Variants in POU6F2 observed in about 807,000 individuals in gnomAD.
POU6F2 encodes the protein POU domain, class 6, transcription factor 2.
In POU6F2, 31 loss-of-function variants were observed where a neutral mutation model predicts 71.3. The observed-to-expected ratio is 0.43, with a 90% confidence interval of 0.33 to 0.59. POU6F2 has a LOEUF of 0.59. POU6F2 is among the 20% of genes least tolerant of loss of function. POU6F2 has a pLI of 0.04. For missense variants in POU6F2, 783 were observed against 856.8 expected, an observed-to-expected ratio of 0.91 and a Z score of 1.07; for synonymous variants, 347 against 355.7, an observed-to-expected ratio of 0.98 and a Z score of 0.27.
At chr7:39,360,230 C>A (rs1370102510) in intron 5 of POU6F2, among the ~76,000 whole-genome samples, 1 of 152,096 alleles carries the variant, frequency 6.6e-6, no homozygotes, top group Non-Finnish European at 1.5e-5. Context: ...GGAAAGTGCT[C>A]CTTTTGAGAT....
intron 2 of POU6F2, among the ~76,000 whole-genome samples, chr7:39,095,644 T>C (rs1266614276): frequency 1.3e-5 from 2 of 152,200 alleles, no homozygotes; most frequent in African/African-American, 4.8e-5. Flanking sequence ...AGAAAAGATC[T>C]TGAAAGCTTT....
At chr7:39,271,403 G>T (rs1784335877) in intron 4 of POU6F2, among the ~76,000 whole-genome samples, 1 of 151,416 alleles carries the variant, frequency 6.6e-6, no homozygotes, top group Admixed American at 6.6e-5. Context: ...GGACCTAAAG[G>T]CATGGCAAGA....
chr7:39,149,885 C>CTTTTTTT (rs70977463), intron 2 of POU6F2, among the ~76,000 whole-genome samples: 2 of 142,338 alleles, frequency 1.4e-5, no homozygotes, highest in African/African-American at 2.6e-5. Context: ...GCAAGATTTC[C>CTTTTTTT]TTTTTTTTTT....
rs541348520 is a variant in POU6F2 at position 39,241,129 on chromosome 7, C to T, written c.598+33509C>T. Among the ~76,000 whole-genome samples the T allele has an allele frequency of 3.9e-5, 6 of 152,154 alleles. No homozygotes were observed. In the South Asian group the frequency reaches 1.0e-3, roughly 26 times the overall value. On this transcript the variant is annotated intron_variant, in intron 4 of 9. Coordinates refer to ENST00000518318, the MANE Select transcript of POU6F2 (RefSeq NM_001370959.1). ...CACTTCTTATTGGCTGGAATTAGGT[C>T]GCATGCGTACTCTTAACCTATTCCT...
intron 5 of POU6F2, among the ~76,000 whole-genome samples, chr7:39,374,799 C>G (rs193083050): frequency 1.3e-5 from 2 of 152,082 alleles, no homozygotes; most frequent in Admixed American, 1.3e-4. Flanking sequence ...TCCCAAACAG[C>G]GGAATATTGA....
At chr7:39,208,950 G>A (rs1044925482) in intron 4 of POU6F2, among the ~76,000 whole-genome samples, 1 of 152,030 alleles carries the variant, frequency 6.6e-6, no homozygotes, top group Non-Finnish European at 1.5e-5. Context: ...TGGAACATTT[G>A]TGCTTATGGG....
chr7:39,052,012 C>T (rs989917583), intron 1 of POU6F2, among the ~76,000 whole-genome samples: 2 of 152,072 alleles, frequency 1.3e-5, no homozygotes, highest in African/African-American at 4.8e-5. Context: ...CCTCTTCTAC[C>T]GATCACTGGC....
At chr7:39,391,860 C>T (rs926566054) in intron 5 of POU6F2, among the ~76,000 whole-genome samples, 1 of 152,128 alleles carries the variant, frequency 6.6e-6, no homozygotes, top group Non-Finnish European at 1.5e-5. Context: ...ATTTAAAGTT[C>T]CATTGTTTTC....
intron 4 of POU6F2, among the ~76,000 whole-genome samples, chr7:39,222,613 A>G (rs1204474441): frequency 6.6e-6 from 1 of 152,108 alleles, no homozygotes; most frequent in South Asian, 2.1e-4. Context: ...TTCTGTCTCT[A>G]TGAATTTGAC....
intron 4 of POU6F2, among the ~76,000 whole-genome samples, chr7:39,283,013 A>T (rs4599719): frequency 6.6e-5 from 10 of 151,836 alleles, no homozygotes; most frequent in African/African-American, 2.4e-4. Context: ...GGTCAAATTT[A>T]TTCTTAGGTA....
chr7:39,465,461 G>A lies in POU6F2; in HGVS notation c.*775G>A, dbSNP rs539584928. The stretch of plus-strand genomic sequence containing the variant: ...TTTTTTCTTTGTCTTTCTTTTTGAC[G>A]GGAGGGCATCCTGGATCGTGTGCCA... On this transcript the variant is annotated 3_prime_UTR_variant, in exon 10 of 10. Transcript: ENST00000518318. 2.0e-5 allele frequency: 3 copies of A among 152,216 alleles called. No individual in the cohort carries two copies. The highest frequency in any genetic ancestry group is 7.2e-5 in the African/African-American group (3 of 41,526). The allele number at this position is 152,216 out of a possible 1,614,324, so 9.4% of individuals were successfully genotyped here.
intron 4 of POU6F2, among the ~76,000 whole-genome samples, chr7:39,327,942 A>G (rs1785549188): frequency 6.6e-6 from 1 of 151,300 alleles, no homozygotes; most frequent in African/African-American, 2.4e-5. Context: ...TTTTTTTGAG[A>G]CAGAGTCTTG....
intron 2 of POU6F2, among the ~76,000 whole-genome samples, chr7:39,191,074 A>G (rs1793653602): frequency 6.6e-6 from 1 of 152,146 alleles, no homozygotes; most frequent in Admixed American, 6.5e-5. Flanking sequence ...CTGTGCCATA[A>G]CTCACTGATA....
intron 2 of POU6F2, among the ~76,000 whole-genome samples, chr7:39,198,431 C>T (rs1268314681): frequency 6.6e-6 from 1 of 152,170 alleles, no homozygotes; most frequent in Non-Finnish European, 1.5e-5. Flanking sequence ...TTTAGAACCA[C>T]TTAGGACCTA....
intron 1 of POU6F2, among the ~76,000 whole-genome samples, chr7:39,047,233 A>AT (rs1455964684): frequency 6.6e-6 from 1 of 151,740 alleles, no homozygotes; most frequent in African/African-American, 2.4e-5. Flanking sequence ...TCAATTTGTC[A>AT]TTTTTCACAA....
At position 39,434,651 on chromosome 7, in the gene POU6F2, A is replaced by T. The variant is rs185224499; in HGVS notation, c.1320+1368A>T. 8.9e-3 allele frequency among the ~76,000 whole-genome samples: 1,252 copies of T among 139,900 alleles called. 17 individuals carry two copies. The highest frequency in any genetic ancestry group is 0.034 in the African/African-American group (1,164 of 34,312). The allele number at this position is 139,900 out of a possible 152,430, so 91.8% of individuals were successfully genotyped here. ...TTTGGGTTTTTTTTAAACTTCTTCT[A>T]AAAAAAAAAGCAAAAACAAAAAACA... is the stretch of plus-strand genomic sequence containing the variant. On this transcript the variant is annotated intron_variant, in intron 7 of 9. Coordinates refer to ENST00000518318, the MANE Select transcript of POU6F2 (RefSeq NM_001370959.1).
intron 1 of POU6F2, among the ~76,000 whole-genome samples, chr7:39,019,655 T>C (rs916121552): frequency 6.6e-6 from 1 of 151,676 alleles, no homozygotes; most frequent in African/African-American, 2.4e-5. Context: ...TTTTCTTTTT[T>C]TTTTTTTTTA....
rs200050745 is a variant in POU6F2, at chr7:39,069,069, G to A, written c.106-16791G>A. ...CTTCTGTACAGAATATAGAACCTCT[G>A]CGACATTGCCCACTGTGGGTTTGAG... On this transcript the variant is annotated intron_variant, in intron 1 of 9. Coordinates refer to ENST00000518318, the MANE Select transcript of POU6F2 (RefSeq NM_001370959.1). Among the ~76,000 whole-genome samples the A allele has an allele frequency of 4.6e-5, 7 of 152,282 alleles. No homozygotes were observed. The East Asian group carries it at 1.4e-3, about 29-fold the overall frequency.
chr7:39,322,053 T>C (rs1486759483), intron 4 of POU6F2, among the ~76,000 whole-genome samples: 1 of 152,160 alleles, frequency 6.6e-6, no homozygotes, highest in East Asian at 1.9e-4. Context: ...CTAAATAGCT[T>C]TTCTATAAAC....
Sources: allele counts gnomAD v4.1 joint callset (sites outside exome capture counted in the v4.1 genomes callset), GRCh38; gene constraint gnomAD v4.1.1; transcripts MANE v1.5; gene names NCBI Gene and HGNC (gene_info 2026-07-23, HGNC 2026-07-21).